The following VWA3B variants were observed in gnomAD, a reference collection of about 807,000 sequenced individuals.
VWA3B encodes von Willebrand factor A domain-containing protein 3B.
In VWA3B, 138 loss-of-function variants were observed where a neutral mutation model predicts 158.3. The ratio of observed to expected loss-of-function variants is 0.87; its 90% CI spans 0.76 to 1.00. The LOEUF (loss-of-function observed/expected upper bound fraction) is 1.00. Among genes scored for constraint, VWA3B ranks in the 50% least tolerant of loss-of-function variants. VWA3B has a pLI of 0.00. For synonymous variants in VWA3B, 596 were observed against 587.3 expected, an observed-to-expected ratio of 1.01 and a Z score of -0.21; for missense variants, 1,555 against 1,565.1, an observed-to-expected ratio of 0.99 and a Z score of 0.11.
chr2:98,180,905 A>G, intron 8 of VWA3B, 111 bp from the exon 9 acceptor site: 1 of 1,098,946 alleles, frequency 9.1e-7, no homozygotes, highest in Non-Finnish European at 1.3e-6. Context: ...GAAATGAAAC[A>G]TGGGCTTTGT....
chr2:98,158,018 G>A lies in VWA3B; in HGVS notation c.989-4833G>A, dbSNP rs545149451. ...CATGAACCTAGAAGGAAATGACTTC[G>A]TGTTTTAAGGGATGTCATTGTCAGT... On this transcript the variant is annotated intron_variant, in intron 7 of 27. Coordinates refer to ENST00000477737, the MANE Select transcript of VWA3B (RefSeq NM_144992.5). Among the ~76,000 whole-genome samples, 63 of 152,274 alleles carry A rather than the reference G, an allele frequency of 4.1e-4. 2 individuals carry two copies. In the South Asian group the frequency reaches 0.012, roughly 30 times the overall value.
At chr2:98,213,188 G>A (rs2105561019) in intron 13 of VWA3B, among the ~76,000 whole-genome samples, 1 of 152,276 alleles carries the variant, frequency 6.6e-6, no homozygotes, top group South Asian at 2.1e-4. Flanking sequence ...ATATGTGGGG[G>A]GCTCAGAGAA....
At chr2:98,299,377 G>T (rs1558774810) in intron 24 of VWA3B, among the ~76,000 whole-genome samples, 1 of 152,190 alleles carries the variant, frequency 6.6e-6, no homozygotes, top group African/African-American at 2.4e-5. Flanking sequence ...TCATCCTCTT[G>T]CCGCGTTCCT....
intron 13 of VWA3B, among the ~76,000 whole-genome samples, chr2:98,217,254 C>A (rs889600017): frequency 1.3e-5 from 2 of 152,176 alleles, no homozygotes; most frequent in Non-Finnish European, 1.5e-5. Flanking sequence ...ACTAACCGTA[C>A]CCCTTTCTGT....
chr2:98,280,377 A>G (rs985700330), intron 22 of VWA3B, among the ~76,000 whole-genome samples: 1 of 152,184 alleles, frequency 6.6e-6, no homozygotes, highest in Admixed American at 6.5e-5. Flanking sequence ...AAAACACACA[A>G]GTTTATTTTC....
At chr2:98,102,656 G>T (rs1225163637) in intron 2 of VWA3B, among the ~76,000 whole-genome samples, 1 of 152,164 alleles carries the variant, frequency 6.6e-6, no homozygotes, top group Admixed American at 6.5e-5. Flanking sequence ...TTTCATCTAA[G>T]TTCGTAAGAG....
chr2:98,290,539 A>G lies in VWA3B; in HGVS notation c.3074A>G (p.Lys1025Arg). 6.3e-7 allele frequency: 1 copy of G among 1,583,094 alleles called. No homozygotes were observed. Among genetic ancestry groups the G allele is most frequent in the Non-Finnish European group, 8.5e-7 (1 of 1,171,968 alleles). ...CAGAAATTGCAAGGAAATCCAACAA[A>G]GAAAACCAAATCAAAAAGACCAGAT... ...EQQKLQGNPT[K>R]KTKSKRPDPL... The change falls in exon 23 of 28, where the codon AAG (lysine) becomes AGG (arginine). Residue 1025 changes from lysine to arginine, a missense_variant. By Grantham distance (26) the Lys-to-Arg change is conservative. Coordinates refer to ENST00000477737, the MANE Select transcript of VWA3B (RefSeq NM_144992.5).
At chr2:98,306,835 C>A (rs1391013931) in intron 26 of VWA3B, among the ~76,000 whole-genome samples, 13 of 152,166 alleles carry the variant, frequency 8.5e-5, no homozygotes, top group Admixed American at 3.3e-4. Flanking sequence ...TCTTCATTGA[C>A]TCTCGAGTCC....
chr2:98,298,451 G>A (rs1014554630), intron 24 of VWA3B, among the ~76,000 whole-genome samples: 1 of 127,140 alleles, frequency 7.9e-6, no homozygotes. Context: ...TCTATGCCAT[G>A]CCATGCCATG....
At chr2:98,210,204 C>G (rs17427096) in intron 12 of VWA3B, among the ~76,000 whole-genome samples, 7,184 of 152,252 alleles carry the variant, frequency 0.047, 254 homozygotes, top group Middle Eastern at 0.082. Flanking sequence ...CTTGCTGAAT[C>G]CTGAACAAGA....
chr2:98,108,995 T>G (rs542423885), intron 2 of VWA3B, among the ~76,000 whole-genome samples: 8 of 77,076 alleles, frequency 1.0e-4, no homozygotes, highest in African/African-American at 7.1e-4. Context: ...TTTTCTTTTC[T>G]TTTTTTTTTT....
chr2:98,290,786 T>A, intron 23 of VWA3B, 164 bp downstream of exon 23: 1 of 560,218 alleles, frequency 1.8e-6, no homozygotes. Context: ...GGCCAGCTCA[T>A]GAAATGAGCG....
chr2:98,239,345 CTAAA>C (rs1218948625), intron 19 of VWA3B, among the ~76,000 whole-genome samples: 34 of 22,634 alleles, frequency 1.5e-3, no homozygotes, highest in Non-Finnish European at 2.9e-3. Context: ...AGTCCTCGTG[CTAAA>C]TGAAATATCG....
chr2:98,230,977 A>G (rs1685299447), intron 16 of VWA3B, among the ~76,000 whole-genome samples: 1 of 152,204 alleles, frequency 6.6e-6, no homozygotes, highest in South Asian at 2.1e-4. Flanking sequence ...CACAAAACCA[A>G]TTGCATTTTG....
intron 7 of VWA3B, among the ~76,000 whole-genome samples, chr2:98,141,118 T>C (rs1676748053): frequency 6.6e-6 from 1 of 152,210 alleles, no homozygotes; most frequent in Admixed American, 6.5e-5. Flanking sequence ...TGGTGACACT[T>C]TTCATCTGCT....
intron 12 of VWA3B, among the ~76,000 whole-genome samples, chr2:98,209,861 G>A (rs913695968): frequency 4.6e-5 from 7 of 152,130 alleles, no homozygotes; most frequent in Admixed American, 1.3e-4. Context: ...CTGTTTATTC[G>A]GCGCAGTCGC....
chr2:98,271,207 T>C (rs1250728661), intron 22 of VWA3B, among the ~76,000 whole-genome samples: 4 of 152,136 alleles, frequency 2.6e-5, no homozygotes, highest in African/African-American at 9.7e-5. Context: ...CTAACCTGTG[T>C]GTGATTTTGG....
chr2:98,237,227 G>T (rs796504889), intron 19 of VWA3B, among the ~76,000 whole-genome samples: 4 of 152,334 alleles, frequency 2.6e-5, no homozygotes, highest in African/African-American at 9.6e-5. Context: ...AACTGATCTT[G>T]GTTGGGTTGG....
intron 14 of VWA3B, among the ~76,000 whole-genome samples, chr2:98,226,545 T>G (rs1684927682): frequency 6.6e-6 from 1 of 150,950 alleles, no homozygotes; most frequent in Admixed American, 6.6e-5. Context: ...AAAAGCATTA[T>G]CCATAAAAGG....
Sources: gnomAD v4.1 joint callset for allele counts (sites outside exome capture counted in the v4.1 genomes callset) on GRCh38, gnomAD v4.1.1 for gene constraint, MANE v1.5 for transcripts, NCBI Gene and HGNC (gene_info 2026-07-23, HGNC 2026-07-21) for gene names.